NKAIN2: variants seen among roughly 807,000 people sequenced by gnomAD.
The protein encoded by NKAIN2 is sodium/potassium transporting ATPase interacting 2.
NKAIN2 carries 14 observed loss-of-function variants against 32.6 expected under a neutral mutation model. That is an observed-to-expected ratio of 0.43 (90% CI 0.28 to 0.67). The LOEUF (loss-of-function observed/expected upper bound fraction) is 0.67. Among genes scored for constraint, NKAIN2 ranks in the 30% least tolerant of loss-of-function variants. The probability of loss-of-function intolerance (pLI) is 0.17; values close to 1 mark genes in which losing one functional copy is unlikely to be tolerated. For synonymous variants in NKAIN2, 80 were observed against 87.2 expected, an observed-to-expected ratio of 0.92 and a Z score of 0.46; for missense variants, 198 against 258.3, an observed-to-expected ratio of 0.77 and a Z score of 1.60.
At chr6:124,193,284 G>T (rs938556132) in intron 1 of NKAIN2, among the ~76,000 whole-genome samples, 1 of 152,200 alleles carries the variant, frequency 6.6e-6, no homozygotes, top group Non-Finnish European at 1.5e-5. Flanking sequence ...CCTGCCAAGG[G>T]CAAGCAGGGC....
chr6:124,458,319 G>A (rs2052637), intron 3 of NKAIN2, among the ~76,000 whole-genome samples: 1 of 152,020 alleles, frequency 6.6e-6, no homozygotes, highest in South Asian at 2.1e-4. Flanking sequence ...AGCAGGTTTA[G>A]CATTCCTTTT....
chr6:124,748,518 C>A (rs1777558301), intron 4 of NKAIN2, among the ~76,000 whole-genome samples: 1 of 151,992 alleles, frequency 6.6e-6, no homozygotes, highest in Non-Finnish European at 1.5e-5. Context: ...CAAAGAGCTT[C>A]TTTGTTTCCC....
At chr6:124,633,812 A>T (rs1783666483) in intron 3 of NKAIN2, among the ~76,000 whole-genome samples, 1 of 152,160 alleles carries the variant, frequency 6.6e-6, no homozygotes, top group African/African-American at 2.4e-5. Flanking sequence ...CTGAGGGCCT[A>T]CCTCTACTAC....
chr6:124,465,978 A>G (rs1444400035), intron 3 of NKAIN2, among the ~76,000 whole-genome samples: 1 of 152,156 alleles, frequency 6.6e-6, no homozygotes, highest in Non-Finnish European at 1.5e-5. Context: ...GAAAAAATAT[A>G]TTAAATATAA....
At chr6:124,172,556 A>C (rs1788948548) in intron 1 of NKAIN2, among the ~76,000 whole-genome samples, 1 of 152,214 alleles carries the variant, frequency 6.6e-6, no homozygotes, top group Non-Finnish European at 1.5e-5. Flanking sequence ...GATTTTAAAA[A>C]TCTGTATATC....
At chr6:124,285,903 A>G (rs1276987708) in intron 2 of NKAIN2, among the ~76,000 whole-genome samples, 1 of 151,008 alleles carries the variant, frequency 6.6e-6, no homozygotes, top group Non-Finnish European at 1.5e-5. Flanking sequence ...AAAGGAAATC[A>G]TAAGGAAAAT....
chr6:124,466,067 G>C (rs1209454626), intron 3 of NKAIN2, among the ~76,000 whole-genome samples: 2 of 151,714 alleles, frequency 1.3e-5, no homozygotes, highest in African/African-American at 4.8e-5. Context: ...TTATTGAAGG[G>C]ATCACTGTAA....
chr6:124,178,322 G>C (rs1789266243), intron 1 of NKAIN2, among the ~76,000 whole-genome samples: 1 of 145,218 alleles, frequency 6.9e-6, no homozygotes, highest in Admixed American at 7.0e-5. Flanking sequence ...TTTTGAGACA[G>C]AGTCTCGCTC....
At chr6:124,736,104 C>A (rs1776923736) in intron 4 of NKAIN2, among the ~76,000 whole-genome samples, 1 of 151,984 alleles carries the variant, frequency 6.6e-6, no homozygotes, top group African/African-American at 2.4e-5. Flanking sequence ...TTGAAGGAAA[C>A]TAAAAATGCT....
chr6:124,310,005 A>G (rs1325556775), intron 2 of NKAIN2, among the ~76,000 whole-genome samples: 1 of 152,150 alleles, frequency 6.6e-6, no homozygotes, highest in Non-Finnish European at 1.5e-5. Flanking sequence ...ATTTCCATAC[A>G]TAGGTCAGAC....
intron 1 of NKAIN2, among the ~76,000 whole-genome samples, chr6:124,248,389 T>G (rs1793526098): frequency 6.6e-6 from 1 of 152,050 alleles, no homozygotes. Flanking sequence ...TCCCTGTGTT[T>G]GTTTTATGTC....
chr6:124,563,848 A>G (rs1196136068), intron 3 of NKAIN2, among the ~76,000 whole-genome samples: 1 of 152,088 alleles, frequency 6.6e-6, no homozygotes, highest in Non-Finnish European at 1.5e-5. Flanking sequence ...AAGTGACAGT[A>G]GGGCTTCACT....
chr6:124,634,960 TGAAAGAGAAAGAAA>T (rs1440068927), intron 3 of NKAIN2, among the ~76,000 whole-genome samples: 28 of 134,442 alleles, frequency 2.1e-4, no homozygotes, highest in East Asian at 1.3e-3. Context: ...TTCAAAGTGC[TGAAAGAGAAAGAAA>T]GAAAGAGAAA....
At chr6:123,905,711 TA>T (rs201665239) in intron 1 of NKAIN2, among the ~76,000 whole-genome samples, 7 of 150,446 alleles carry the variant, frequency 4.7e-5, no homozygotes, top group East Asian at 2.0e-4. Flanking sequence ...CTGACTCAGA[TA>T]AAAAAAAAGA....
At chr6:124,716,156 C>T (rs1775741525) in intron 4 of NKAIN2, among the ~76,000 whole-genome samples, 1 of 152,178 alleles carries the variant, frequency 6.6e-6, no homozygotes, top group Non-Finnish European at 1.5e-5. Flanking sequence ...ATTAAGACCT[C>T]ATCTTGCTTT....
intron 2 of NKAIN2, among the ~76,000 whole-genome samples, chr6:124,353,910 G>C (rs1338620292): frequency 1.3e-5 from 2 of 152,162 alleles, no homozygotes; most frequent in Admixed American, 6.5e-5. Context: ...GATCATGGAG[G>C]TTCTTGAAGC....
intron 3 of NKAIN2, among the ~76,000 whole-genome samples, chr6:124,499,057 C>T (rs546349796): frequency 3.3e-5 from 5 of 152,096 alleles, no homozygotes; most frequent in African/African-American, 4.8e-5. Flanking sequence ...TGTTAGCCAC[C>T]TTATCCGGCC....
chr6:124,707,410 G>C (rs1173717147), intron 4 of NKAIN2, among the ~76,000 whole-genome samples: 57 of 150,980 alleles, frequency 3.8e-4, no homozygotes, highest in East Asian at 5.8e-4. Flanking sequence ...CCTGAGGAAT[G>C]GCCACACTGA....
chr6:124,366,007 T>A (rs1799501015), intron 3 of NKAIN2, among the ~76,000 whole-genome samples: 1 of 151,816 alleles, frequency 6.6e-6, no homozygotes, highest in Admixed American at 6.6e-5. Context: ...AAAAATGACC[T>A]TAAAGAGAGA....
Sources: gnomAD v4.1 joint callset for allele counts (sites outside exome capture counted in the v4.1 genomes callset) on GRCh38, gnomAD v4.1.1 for gene constraint, MANE v1.5 for transcripts, NCBI Gene and HGNC (gene_info 2026-07-23, HGNC 2026-07-21) for gene names.